KIAA0825: variants seen among roughly 807,000 people sequenced by gnomAD.
KIAA0825 encodes the protein KIAA0825.
Under a neutral mutation model 147.6 loss-of-function variants are expected in KIAA0825, and 119 were observed. The observed-to-expected ratio is 0.81, with a 90% CI of 0.69 to 0.94. The LOEUF (loss-of-function observed/expected upper bound fraction) is 0.94. Among genes scored for constraint, KIAA0825 ranks in the 40% least tolerant of loss-of-function variants. The probability of loss-of-function intolerance (pLI) is 0.00; values close to 1 mark genes in which losing one functional copy is unlikely to be tolerated. For synonymous variants in KIAA0825, 470 were observed against 518.1 expected (o/e 0.91, Z 1.26); for missense variants, 1,381 against 1,472.7 (o/e 0.94, Z 1.02).
chr5:94,386,715 C>T (rs1304076500), intron 18 of KIAA0825, among the ~76,000 whole-genome samples: 1 of 152,150 alleles, frequency 6.6e-6, no homozygotes, highest in Non-Finnish European at 1.5e-5. Flanking sequence ...CACTGGTTCA[C>T]ATATTAACGT....
intron 2 of KIAA0825, among the ~76,000 whole-genome samples, chr5:94,566,462 T>G (rs2152310624): frequency 6.6e-6 from 1 of 152,274 alleles, no homozygotes; most frequent in South Asian, 2.1e-4. Context: ...GAAACACTAT[T>G]TTTAAAAATA....
intron 20 of KIAA0825, among the ~76,000 whole-genome samples, chr5:94,203,880 T>C (rs561959884): frequency 9.2e-5 from 14 of 152,160 alleles, no homozygotes; most frequent in Non-Finnish European, 2.1e-4. Context: ...CTTGAAATGA[T>C]ATCATAACCT....
chr5:94,545,410 C>A (rs34740811), intron 2 of KIAA0825, among the ~76,000 whole-genome samples: 119 of 152,234 alleles, frequency 7.8e-4, no homozygotes, highest in Middle Eastern at 3.4e-3. Context: ...CACCCCTCCC[C>A]CAACCCCAGG....
rs556540856 is a variant in KIAA0825, at chr5:94,423,525, T to C, written c.2498-6160A>G. On this transcript the variant is annotated intron_variant, in intron 14 of 20. Coordinates refer to ENST00000682413, the MANE Select transcript of KIAA0825 (RefSeq NM_001145678.3). ...TTTATTGGTACTAAAGATTTACACA[T>C]ACATGGTACACTAGCACTTGGCTTT... 1.0e-3 allele frequency among the ~76,000 whole-genome samples: 153 copies of C among 152,332 alleles called. 1 individual carries two copies. In the South Asian group the frequency reaches 0.022, roughly 22 times the overall value.
At chr5:94,332,985 A>G (rs1781440285) in intron 20 of KIAA0825, among the ~76,000 whole-genome samples, 1 of 152,094 alleles carries the variant, frequency 6.6e-6, no homozygotes, top group Admixed American at 6.5e-5. Context: ...AGTGATGATG[A>G]GCTTTTTTTC....
intron 3 of KIAA0825, among the ~76,000 whole-genome samples, chr5:94,528,788 C>CT (rs371001404): frequency 0.21 from 31,150 of 146,418 alleles, 3,388 homozygotes; most frequent in East Asian, 0.33. Context: ...AAATGTGCTC[C>CT]TTTTTTTTTT....
intron 5 of KIAA0825, among the ~76,000 whole-genome samples, chr5:94,517,173 GAC>G (rs1205509983): frequency 6.6e-6 from 1 of 152,178 alleles, no homozygotes; most frequent in Non-Finnish European, 1.5e-5. Context: ...CACAGCTTTT[GAC>G]ACAGAGTTTA....
At chr5:94,437,862 A>C (rs953642705) in intron 14 of KIAA0825, among the ~76,000 whole-genome samples, 1 of 152,218 alleles carries the variant, frequency 6.6e-6, no homozygotes, top group Non-Finnish European at 1.5e-5. Flanking sequence ...AAAAGCACTT[A>C]GACTATAAAG....
At chr5:94,166,939 A>G (rs1457005182) in intron 20 of KIAA0825, among the ~76,000 whole-genome samples, 2 of 152,214 alleles carry the variant, frequency 1.3e-5, no homozygotes, top group Non-Finnish European at 2.9e-5. Context: ...AGGGACAGAT[A>G]TAAAACTATC....
intron 20 of KIAA0825, among the ~76,000 whole-genome samples, chr5:94,178,934 A>G (rs1769350678): frequency 6.6e-6 from 1 of 152,134 alleles, no homozygotes; most frequent in Admixed American, 6.6e-5. Context: ...CATATCAATG[A>G]TATGCCATTC....
intron 14 of KIAA0825, among the ~76,000 whole-genome samples, chr5:94,436,299 G>C (rs1312671319): frequency 3.3e-5 from 5 of 152,130 alleles, no homozygotes; most frequent in African/African-American, 9.7e-5. Context: ...GTTGATTTCT[G>C]TATATAGTGT....
intron 20 of KIAA0825, among the ~76,000 whole-genome samples, chr5:94,201,576 T>TA (rs1411239501): frequency 2.6e-5 from 4 of 151,198 alleles, no homozygotes; most frequent in African/African-American, 9.7e-5. Flanking sequence ...CCTTGCTAAT[T>TA]AAAAAAAAGG....
intron 20 of KIAA0825, among the ~76,000 whole-genome samples, chr5:94,208,140 T>C (rs1428292190): frequency 6.6e-6 from 1 of 152,184 alleles, no homozygotes; most frequent in Non-Finnish European, 1.5e-5. Flanking sequence ...TCAACAAATA[T>C]TCTTTCAGGG....
chr5:94,155,041 G>C (rs572757567), intron 20 of KIAA0825, among the ~76,000 whole-genome samples: 1 of 152,200 alleles, frequency 6.6e-6, no homozygotes, highest in South Asian at 2.1e-4. Flanking sequence ...CAGCAGGATA[G>C]GATTTCTAAT....
At chr5:94,346,424 G>A (rs1015605430) in intron 20 of KIAA0825, among the ~76,000 whole-genome samples, 16 of 152,202 alleles carry the variant, frequency 1.1e-4, no homozygotes, top group South Asian at 4.2e-4. Flanking sequence ...CAGCAATCCC[G>A]AGAGGATTCA....
At chr5:94,224,529 G>A (rs998841453) in intron 20 of KIAA0825, among the ~76,000 whole-genome samples, 5 of 152,058 alleles carry the variant, frequency 3.3e-5, no homozygotes, top group South Asian at 2.1e-4. Flanking sequence ...CACTAGGAAC[G>A]GTCCTATGAA....
intron 20 of KIAA0825, among the ~76,000 whole-genome samples, chr5:94,360,743 C>T (rs1744944464): frequency 6.6e-6 from 1 of 152,188 alleles, no homozygotes; most frequent in South Asian, 2.1e-4. Flanking sequence ...TAATCTACCC[C>T]TGGTTTAGGA....
In KIAA0825 at chr5:94,403,773, C is replaced by T. The variant is rs1253398964; in HGVS notation, c.2683G>A (p.Glu895Lys). ...NIPVSTCVEY[E>K]LEVIRCLRLA... ...CTCAAGCATCGGATGACCTCTAGCT[C>T]GTACTCCACGCACGTTGAGACTTTA... Residue 895 changes from glutamate (E) to lysine (K), a missense_variant, in exon 16 of 21, where the codon GAG becomes AAG. Transcript: ENST00000682413. 1.1e-5 allele frequency: 17 copies of T among 1,551,250 alleles called. No individual in the cohort carries two copies. Among genetic ancestry groups the T allele is most frequent in the African/African-American group, 2.7e-5 (2 of 72,976 alleles).
chr5:94,422,202 C>T (rs1021917625), intron 14 of KIAA0825, among the ~76,000 whole-genome samples: 3 of 152,264 alleles, frequency 2.0e-5, no homozygotes, highest in South Asian at 2.1e-4. Flanking sequence ...CAGGCCTTCA[C>T]GGAATTCTGA....
Sources: gnomAD v4.1 joint callset for allele counts (sites outside exome capture counted in the v4.1 genomes callset) on GRCh38, gnomAD v4.1.1 for gene constraint, MANE v1.5 for transcripts, NCBI Gene and HGNC (gene_info 2026-07-23, HGNC 2026-07-21) for gene names.